Variants in CDH6 observed in about 807,000 individuals in gnomAD.
The protein encoded by CDH6 is cadherin 6.
CDH6 carries 31 observed loss-of-function variants against 78.0 expected under a neutral mutation model. The ratio of observed to expected loss-of-function variants is 0.40; its 90% CI spans 0.30 to 0.54. The LOEUF (loss-of-function observed/expected upper bound fraction) is 0.54, where lower values mean the gene tolerates loss of function less well. CDH6 is among the 20% of genes least tolerant of loss of function. The pLI, the probability that CDH6 is intolerant of heterozygous loss-of-function variation, is 0.56. For missense variants in CDH6, 724 were observed against 975.9 expected, an observed-to-expected ratio of 0.74 and a Z score of 3.44; for synonymous variants, 376 against 368.8, an observed-to-expected ratio of 1.02 and a Z score of -0.23.
chr5:31,293,717 A>G (rs1164919924), intron 2 of CDH6, among the ~76,000 whole-genome samples: 1 of 152,128 alleles, frequency 6.6e-6, no homozygotes, highest in Non-Finnish European at 1.5e-5. Flanking sequence ...TCTTCAAAAT[A>G]AAGATTACTA....
intron 1 of CDH6, among the ~76,000 whole-genome samples, chr5:31,248,567 G>A (rs759699358): frequency 1.3e-4 from 20 of 151,960 alleles, no homozygotes; most frequent in Non-Finnish European, 2.2e-4. Context: ...TTGAGACTTC[G>A]GGTTAACACT....
chr5:31,302,886 G>GGAAGGAAAGAAAGAAAAAAAGAAAAA (rs1339286077), intron 6 of CDH6, among the ~76,000 whole-genome samples: 1 of 64,322 alleles, frequency 1.6e-5, no homozygotes, highest in African/African-American at 6.8e-5. Context: ...AAGGAAGGAA[G>GGAAGGAAAGAAAGAAAAAAAGAAAAA]GAAAGAAAGA....
intron 1 of CDH6, among the ~76,000 whole-genome samples, chr5:31,238,414 C>A (rs1316883240): frequency 6.6e-6 from 1 of 152,190 alleles, no homozygotes; most frequent in Non-Finnish European, 1.5e-5. Context: ...TCTCCCCAGA[C>A]CCTCTCACTC....
intron 6 of CDH6, among the ~76,000 whole-genome samples, chr5:31,302,947 G>GAAAGAAAGAAAGAA (rs1561066501): frequency 7.7e-6 from 1 of 129,914 alleles, no homozygotes; most frequent in African/African-American, 2.6e-5. Flanking sequence ...AAGAAAGAAA[G>GAAAGAAAGAAAGAA]AAAGAAAGAA....
intron 2 of CDH6, among the ~76,000 whole-genome samples, chr5:31,283,340 GT>G: frequency 6.6e-6 from 1 of 152,280 alleles, no homozygotes; most frequent in African/African-American, 2.4e-5. Flanking sequence ...AGAACTAAAT[GT>G]AAAAACACAG....
intron 6 of CDH6, among the ~76,000 whole-genome samples, chr5:31,302,886 G>GGAAGGAAAGAAAGAAA (rs1339286077): frequency 1.6e-5 from 1 of 64,322 alleles, no homozygotes; most frequent in South Asian, 4.9e-4. Flanking sequence ...AAGGAAGGAA[G>GGAAGGAAAGAAAGAAA]GAAAGAAAGA....
chr5:31,290,118 G>A (rs1263962958), intron 2 of CDH6, among the ~76,000 whole-genome samples: 2 of 152,122 alleles, frequency 1.3e-5, no homozygotes, highest in Admixed American at 1.3e-4. Flanking sequence ...AAATTAGCCA[G>A]GTGTGGTGGT....
intron 4 of CDH6, 92 bp from the exon 5 acceptor site, chr5:31,299,372 G>A: frequency 1.0e-6 from 1 of 970,380 alleles, no homozygotes; most frequent in Non-Finnish European, 1.6e-6. Flanking sequence ...TTTGCATATT[G>A]TGGGTGACAG....
At chr5:31,273,796 T>C (rs1266238307) in intron 2 of CDH6, among the ~76,000 whole-genome samples, 1 of 152,384 alleles carries the variant, frequency 6.6e-6, no homozygotes, top group East Asian at 1.9e-4. Flanking sequence ...CTTATTGTTA[T>C]GCACATTCCT....
chr5:31,284,432 A>C (rs1579881874), intron 2 of CDH6, among the ~76,000 whole-genome samples: 1 of 152,358 alleles, frequency 6.6e-6, no homozygotes, highest in Admixed American at 6.5e-5. Flanking sequence ...AGGGTGGAAC[A>C]GTGGCAAGGT....
intron 1 of CDH6, among the ~76,000 whole-genome samples, chr5:31,200,619 C>G (rs1025294457): frequency 6.7e-6 from 1 of 150,340 alleles, no homozygotes; most frequent in Non-Finnish European, 1.5e-5. Flanking sequence ...ACTACCATGC[C>G]ACCAGAAAAC....
At chr5:31,303,905 C>T (rs543272038) in intron 6 of CDH6, among the ~76,000 whole-genome samples, 5 of 152,072 alleles carry the variant, frequency 3.3e-5, no homozygotes, top group Non-Finnish European at 5.9e-5. Context: ...TTTCTTGGTG[C>T]CTTATCAGAT....
intron 8 of CDH6, among the ~76,000 whole-genome samples, chr5:31,314,314 A>G (rs756856969): frequency 8.4e-5 from 9 of 107,470 alleles, no homozygotes; most frequent in Non-Finnish European, 1.4e-4. Flanking sequence ...CCCACCCCAC[A>G]ACAGGCCCCG....
intron 1 of CDH6, among the ~76,000 whole-genome samples, chr5:31,199,155 T>C (rs938072998): frequency 1.3e-5 from 2 of 151,860 alleles, no homozygotes; most frequent in African/African-American, 4.8e-5. Flanking sequence ...TGATATAGCA[T>C]GATGAAAGGC....
chr5:31,248,612 G>T (rs1741822752), intron 1 of CDH6, among the ~76,000 whole-genome samples: 1 of 152,026 alleles, frequency 6.6e-6, no homozygotes, highest in African/African-American at 2.4e-5. Context: ...TGATAAATTG[G>T]TGGCTAACAA....
chr5:31,220,742 C>T (rs1332421071), intron 1 of CDH6, among the ~76,000 whole-genome samples: 2 of 152,130 alleles, frequency 1.3e-5, no homozygotes, highest in Non-Finnish European at 2.9e-5. Context: ...TAAAAAGCCT[C>T]TTCGTAACAG....
At chr5:31,254,317 G>C (rs1360384177) in intron 1 of CDH6, among the ~76,000 whole-genome samples, 1 of 152,194 alleles carries the variant, frequency 6.6e-6, no homozygotes, top group African/African-American at 2.4e-5. Context: ...AAGTGAAAAG[G>C]TGAATGTTCT....
intron 1 of CDH6, among the ~76,000 whole-genome samples, chr5:31,231,887 G>A (rs931415761): frequency 2.0e-5 from 3 of 152,188 alleles, no homozygotes; most frequent in African/African-American, 7.2e-5. Flanking sequence ...GCATTACCAT[G>A]TCCAGTTTTA....
intron 1 of CDH6, among the ~76,000 whole-genome samples, chr5:31,230,845 T>C (rs1025650186): frequency 1.3e-5 from 2 of 152,168 alleles, no homozygotes; most frequent in Non-Finnish European, 2.9e-5. Flanking sequence ...TGCTAATTAA[T>C]AAACAATTGT....
Sources: allele counts gnomAD v4.1 joint callset (sites outside exome capture counted in the v4.1 genomes callset), GRCh38; gene constraint gnomAD v4.1.1; transcripts MANE v1.5; gene names NCBI Gene and HGNC (gene_info 2026-07-23, HGNC 2026-07-21).